KRT77: variants seen among roughly 807,000 people sequenced by gnomAD.
The protein encoded by KRT77 is keratin, type II cytoskeletal 1b.
In KRT77, 44 loss-of-function variants were observed where a neutral mutation model predicts 51.5. The observed-to-expected ratio is 0.85, with a 90% CI of 0.67 to 1.10. The LOEUF (loss-of-function observed/expected upper bound fraction) is 1.10, where lower values mean the gene tolerates loss of function less well. Ranked by LOEUF, KRT77 falls within the 50% of genes least tolerant of loss-of-function variation. The pLI is 0.00. For synonymous variants in KRT77, 293 were observed against 302.0 expected (o/e 0.97, Z 0.31); for missense variants, 763 against 743.9 (o/e 1.03, Z -0.30).
At chr12:52,702,486 G>A (rs1441793994) in intron 1 of KRT77, among the ~76,000 whole-genome samples, 1 of 150,636 alleles carries the variant, frequency 6.6e-6, no homozygotes, top group East Asian at 1.9e-4. Context: ...GGACGGAAGG[G>A]TGGATAGTTG....
chr12:52,697,148 A>G (rs1167779818), intron 2 of KRT77, among the ~76,000 whole-genome samples: 1 of 152,244 alleles, frequency 6.6e-6, no homozygotes, highest in Admixed American at 6.5e-5. Context: ...CAGTTCTCAA[A>G]GTGTGGTCCC....
intron 1 of KRT77, chr12:52,698,122 C>A (rs1941827985): frequency 6.9e-7 from 1 of 1,450,264 alleles, no homozygotes; most frequent in African/African-American, 1.4e-5. Flanking sequence ...ACACTAAGCT[C>A]ACTCTGGTTT....
rs189276583 is a variant in KRT77 at position 52,692,743 on chromosome 12, C to T, written c.1206+12G>A. ...CAGGGCTTGGTCAGCCCTCCCTAAGCACCCGTCCCACCTGCTTCTTCACGT... is the reference window on the plus strand; with the variant it reads ...CAGGGCTTGGTCAGCCCTCCCTAAGTACCCGTCCCACCTGCTTCTTCACGT... On this transcript the variant is annotated intron_variant, in intron 6 of 8. Transcript: ENST00000341809. The T allele has an allele frequency of 6.4e-5, 102 of 1,603,478 alleles. 3 individuals carry two copies. The Admixed American group carries it at 1.6e-3, about 25-fold the overall frequency.
At position 52,690,803 on chromosome 12, in the gene KRT77, A is replaced by G. The variant is rs960926298; in HGVS notation, c.*362T>C. 1 of 398,100 alleles carries G rather than the reference A, an allele frequency of 2.5e-6. No homozygotes were observed. The highest frequency in any genetic ancestry group is 2.1e-5 in the African/African-American group (1 of 47,046). The allele number at this position is 398,100 out of a possible 1,614,324, so 24.7% of individuals were successfully genotyped here. A position where few individuals can be genotyped will look rare whatever the true frequency, so the allele number is the denominator to read the frequency against. ...ACTTGGAGGCAGAGGAATGATAACA[A>G]TGACTTCTCCCTACCTTGCCAACTC... On this transcript the variant is annotated 3_prime_UTR_variant, in exon 9 of 9. Transcript: ENST00000341809.
In KRT77 at chr12:52,694,380, A is replaced by G. The variant is rs1941760869; in HGVS notation, c.1080+246T>C. Among the ~76,000 whole-genome samples the G allele has an allele frequency of 3.3e-5, 5 of 152,352 alleles. No homozygotes were observed. The South Asian group carries it at 1.0e-3, about 32-fold the overall frequency. ...TGCAAAAGTAATTGCAGTTCTCGTCATTACTTTTAATGGCGAGAACCGCAA... is the reference window on the plus strand; with the variant it reads ...TGCAAAAGTAATTGCAGTTCTCGTCGTTACTTTTAATGGCGAGAACCGCAA... On this transcript the variant is annotated intron_variant, in intron 5 of 8. Coordinates refer to ENST00000341809, the MANE Select transcript of KRT77 (RefSeq NM_175078.3).
In KRT77 at chr12:52,690,652, C is replaced by T. The variant is rs900941293; in HGVS notation, c.*513G>A. 2.3e-5 allele frequency: 4 copies of T among 174,706 alleles called. No homozygotes were observed. Among genetic ancestry groups the T allele is most frequent in the Admixed American group, 2.2e-4 (4 of 18,408 alleles). 10.8% of individuals were successfully genotyped at this position (174,706 alleles called of 1,614,324 possible). A position where few individuals can be genotyped will look rare whatever the true frequency, so the allele number is the denominator to read the frequency against. Reference sequence around the variant, plus strand: ...TGAGATACCAACTCTCCATTATGCGCCTTGTCGATGCTCTCTACAGGCTGT... The same window carrying T: ...TGAGATACCAACTCTCCATTATGCGTCTTGTCGATGCTCTCTACAGGCTGT... On this transcript the variant is annotated 3_prime_UTR_variant, in exon 9 of 9. Coordinates refer to ENST00000341809, the MANE Select transcript of KRT77 (RefSeq NM_175078.3).
At chr12:52,699,630 C>T (rs910653456) in intron 1 of KRT77, among the ~76,000 whole-genome samples, 44 of 152,370 alleles carry the variant, frequency 2.9e-4, no homozygotes, top group African/African-American at 1.0e-3. Context: ...GCACAGGGAC[C>T]TCCCAGTGCC....
chr12:52,691,821 T>C (rs1374962693), intron 8 of KRT77, 117 bp downstream of exon 8: 2 of 1,132,494 alleles, frequency 1.8e-6, no homozygotes, highest in Non-Finnish European at 2.7e-6. Context: ...CTTTGGTGTC[T>C]ATTGCACAGG....
chr12:52,701,536 G>A (rs1366291414), intron 1 of KRT77, among the ~76,000 whole-genome samples: 3 of 152,230 alleles, frequency 2.0e-5, no homozygotes, highest in Non-Finnish European at 4.4e-5. Flanking sequence ...TGGGGACTGA[G>A]GGAAAGTCAC....
At chr12:52,698,934 G>A (rs1025111254) in intron 1 of KRT77, among the ~76,000 whole-genome samples, 3 of 152,188 alleles carry the variant, frequency 2.0e-5, no homozygotes, top group East Asian at 1.9e-4. Context: ...CCCCTACCAC[G>A]TGACACTAGT....
At position 52,692,640 on chromosome 12, in the gene KRT77, A is replaced by T; in HGVS notation, c.1208T>A (p.Ile403Asn). The change falls in exon 7 of 9, where the codon ATT (isoleucine) becomes AAT (asparagine). Residue 403 changes from isoleucine (I) to asparagine (N), a missense_variant and splice_region_variant. Transcript: ENST00000341809. ...CGAAATGAGTGACTGCATCTGTTCAATCTGCTCCAGAGACAGTTGGAGACC... is the reference window on the plus strand; with the variant it reads ...CGAAATGAGTGACTGCATCTGTTCATTCTGCTCCAGAGACAGTTGGAGACC... ...QAEISNVKKQ[I>N]EQMQSLISDA... The T allele has an allele frequency of 2.6e-6, 4 of 1,563,194 alleles. No homozygotes were observed. Among genetic ancestry groups the T allele is most frequent in the Non-Finnish European group, 3.5e-6 (4 of 1,140,888 alleles).
intron 5 of KRT77, 101 bp downstream of exon 5, chr12:52,694,525 A>T (rs761041906): frequency 1.7e-5 from 19 of 1,137,328 alleles, no homozygotes; most frequent in Non-Finnish European, 2.1e-5. Flanking sequence ...TATAACAAAC[A>T]CATTTTACTT....
chr12:52,697,973 C>G (rs537739618), intron 1 of KRT77, 77 bp from the exon 2 acceptor site: 4 of 1,464,708 alleles, frequency 2.7e-6, no homozygotes, highest in African/African-American at 2.8e-5. Flanking sequence ...ATCCATACCC[C>G]CTCAACACAT....
intron 1 of KRT77, 136 bp from the exon 2 acceptor site, chr12:52,698,032 C>A (rs1941826549): frequency 7.0e-7 from 1 of 1,427,680 alleles, no homozygotes; most frequent in Non-Finnish European, 9.5e-7. Flanking sequence ...AGAGAGCTTC[C>A]TTTTCTCGGG....
At position 52,690,806 on chromosome 12, in the gene KRT77, A is replaced by T. The variant is rs1941691904; in HGVS notation, c.*359T>A. On this transcript the variant is annotated 3_prime_UTR_variant, in exon 9 of 9. Transcript: ENST00000341809. ...TGGAGGCAGAGGAATGATAACAATG[A>T]CTTCTCCCTACCTTGCCAACTCACG... 3 of 403,598 alleles carry T rather than the reference A, an allele frequency of 7.4e-6. No homozygotes were observed. The highest frequency in any genetic ancestry group is 1.4e-5 in the Non-Finnish European group (3 of 221,660). 25.0% of individuals were successfully genotyped at this position (403,598 alleles called of 1,614,324 possible). A position where few individuals can be genotyped will look rare whatever the true frequency, so the allele number is the denominator to read the frequency against.
chr12:52,696,872 C>T (rs890523932), intron 2 of KRT77: 2 of 173,032 alleles, frequency 1.2e-5, no homozygotes, highest in Non-Finnish European at 2.5e-5. Flanking sequence ...ACTTTTCCCT[C>T]GTTGATTCAC....
intron 7 of KRT77, 25 bp downstream of exon 7, chr12:52,692,396 C>A (rs1392158181): frequency 4.3e-6 from 7 of 1,612,460 alleles, no homozygotes; most frequent in Non-Finnish European, 5.9e-6. Flanking sequence ...AGCCTTAGCC[C>A]CAGAAACACA....
Position 52,692,477 on chromosome 12 carries a change from C to A in KRT77, c.1371G>T (p.Leu457=). The A allele has an allele frequency of 1.9e-6, 3 of 1,614,154 alleles. No individual in the cohort carries two copies. The highest frequency in any genetic ancestry group is 2.5e-6 in the Non-Finnish European group (3 of 1,180,022). The change falls in exon 7 of 9, where the codon CTG becomes CTT. Residue 457 remains leucine, a synonymous_variant. Coordinates refer to ENST00000341809, the MANE Select transcript of KRT77 (RefSeq NM_175078.3). ...AGGTGGCGATCTCCACATCCAGGGA[C>A]AGCTTGACCCCCAGCATGGCCTGGT... ...RDYQAMLGVK[L]SLDVEIATYR...
rs948577709 is a variant in KRT77, at chr12:52,691,037, T to A, written c.*128A>T. The A allele has an allele frequency of 2.9e-6, 4 of 1,395,954 alleles. No homozygotes were observed. Among genetic ancestry groups the A allele is most frequent in the Non-Finnish European group, 4.0e-6 (4 of 1,006,144 alleles). The allele number at this position is 1,395,954 out of a possible 1,614,324, so 86.5% of individuals were successfully genotyped here. The stretch of plus-strand genomic sequence containing the variant: ...CCCTGCTTCCCCCATTAGAGTCGAA[T>A]TTATTGGCAAAATTGCTGAGACCCA... On this transcript the variant is annotated 3_prime_UTR_variant, in exon 9 of 9. Coordinates refer to ENST00000341809, the MANE Select transcript of KRT77 (RefSeq NM_175078.3).
Sources: allele counts gnomAD v4.1 joint callset (sites outside exome capture counted in the v4.1 genomes callset), GRCh38; gene constraint gnomAD v4.1.1; transcripts MANE v1.5; gene names NCBI Gene and HGNC (gene_info 2026-07-23, HGNC 2026-07-21).